The following SPI1 variants were observed in gnomAD, a reference collection of about 807,000 sequenced individuals.
The protein encoded by SPI1 is transcription factor PU.1.
SPI1 carries 3 observed loss-of-function variants against 30.7 expected under a neutral mutation model. The observed-to-expected ratio is 0.10, with a 90% CI of 0.04 to 0.25. The LOEUF is 0.25. SPI1 is among the 10% of genes least tolerant of loss of function. SPI1 has a pLI of 1.00. For synonymous variants in SPI1, 169 were observed against 157.1 expected (o/e 1.08, Z -0.56); for missense variants, 261 against 371.5 (o/e 0.70, Z 2.45).
intron 4 of SPI1, among the ~76,000 whole-genome samples, chr11:47,355,880 C>G (rs945098906): frequency 1.1e-4 from 16 of 151,168 alleles, no homozygotes; most frequent in African/African-American, 3.9e-4. Context: ...TCACACATCA[C>G]GCCCACACCC....
At chr11:47,364,210 C>T (rs757618794) in intron 2 of SPI1, among the ~76,000 whole-genome samples, 11 of 151,766 alleles carry the variant, frequency 7.2e-5, no homozygotes, top group East Asian at 6.0e-4. Context: ...CCACCACGCC[C>T]GGCTAATTTT....
chr11:47,355,646 G>C, intron 4 of SPI1, 100 bp from the exon 5 acceptor site: 1 of 1,049,688 alleles, frequency 9.5e-7, no homozygotes, highest in South Asian at 1.7e-5. Context: ...GGGGTGGCCG[G>C]GAAGGGCAGG....
intron 2 of SPI1, among the ~76,000 whole-genome samples, chr11:47,367,553 C>CAAAA (rs368823506): frequency 8.7e-5 from 10 of 114,464 alleles, no homozygotes; most frequent in South Asian, 2.9e-4. Context: ...GACTCTGCCT[C>CAAAA]AAAAAAAAAA....
At chr11:47,365,606 G>A (rs2095926980) in intron 2 of SPI1, among the ~76,000 whole-genome samples, 1 of 152,096 alleles carries the variant, frequency 6.6e-6, no homozygotes, top group African/African-American at 2.4e-5. Context: ...TGACCCCAAG[G>A]ACTGAAATCT....
chr11:47,372,105 C>G (rs1016721650), intron 2 of SPI1, among the ~76,000 whole-genome samples: 3 of 140,892 alleles, frequency 2.1e-5, no homozygotes, highest in Non-Finnish European at 3.1e-5. Flanking sequence ...TTGTCTGATT[C>G]TTTTTTTTTT....
At chr11:47,377,105 G>C (rs1290780751) in intron 1 of SPI1, among the ~76,000 whole-genome samples, 1 of 152,184 alleles carries the variant, frequency 6.6e-6, no homozygotes, top group Non-Finnish European at 1.5e-5. Flanking sequence ...AGGCTGGCTG[G>C]TCCTGCCTGG....
chr11:47,371,275 G>A lies in SPI1; in HGVS notation c.142+4358C>T, dbSNP rs11039210. Among the ~76,000 whole-genome samples the A allele has an allele frequency of 5.1e-3, 721 of 141,664 alleles. 11 individuals carry two copies. Among genetic ancestry groups the A allele is most frequent in the African/African-American group, 0.018 (691 of 37,764 alleles). The allele number at this position is 141,664 out of a possible 152,430, so 92.9% of individuals were successfully genotyped here. A position where few individuals can be genotyped will look rare whatever the true frequency, so the allele number is the denominator to read the frequency against. On this transcript the variant is annotated intron_variant, in intron 2 of 4. Coordinates refer to ENST00000378538, the MANE Select transcript of SPI1 (RefSeq NM_003120.3). ...CTCGGGAGGCTGAGGCAGGAGAATC[G>A]CTTGAACCCGGGAGGTGGAGGTTGC...
rs1273780979 is a variant in SPI1 at position 47,356,514 on chromosome 11, TCACACCTGCTCACA to T, written c.494-982_494-969del. Among the ~76,000 whole-genome samples, 7 of 77,334 alleles carry T rather than the reference TCACACCTGCTCACA, an allele frequency of 9.1e-5. No individual in the cohort carries two copies. The South Asian group carries it at 1.7e-3, about 19-fold the overall frequency. 50.7% of individuals were successfully genotyped at this position (77,334 alleles called of 152,430 possible). A position where few individuals can be genotyped will look rare whatever the true frequency, so the allele number is the denominator to read the frequency against. ...CACCTTCTCACACTCATATGCCCAC[TCACACCTGCTCACA>T]CACACCTCACACCAGGTTCACACAC... On this transcript the variant is annotated intron_variant, in intron 4 of 4. Transcript: ENST00000378538.
rs76749806 is a variant in SPI1 at position 47,374,748 on chromosome 11, G to A, written c.142+885C>T. Among the ~76,000 whole-genome samples, 3,609 of 152,298 alleles carry A rather than the reference G, an allele frequency of 0.024. 73 individuals carry two copies. The highest frequency in any genetic ancestry group is 0.035 in the Non-Finnish European group (2,392 of 68,014). On this transcript the variant is annotated intron_variant, in intron 2 of 4. Coordinates refer to ENST00000378538, the MANE Select transcript of SPI1 (RefSeq NM_003120.3). This position sits in a 1 kb window ranked among gnomAD's most constrained non-coding sequence, Gnocchi z 4.5. ...CAAGATCCACTTTGGGCAACCTCCC[G>A]CAGCCCCCTGCTCAGGTCCCAGGCA...
chr11:47,370,799 A>G (rs1001411646), intron 2 of SPI1, among the ~76,000 whole-genome samples: 27 of 152,240 alleles, frequency 1.8e-4, no homozygotes, highest in African/African-American at 6.5e-4. Flanking sequence ...CCACATGGTC[A>G]TAACAGTGGA....
At chr11:47,356,396 C>T (rs1220825760) in intron 4 of SPI1, among the ~76,000 whole-genome samples, 3 of 151,072 alleles carry the variant, frequency 2.0e-5, no homozygotes, top group African/African-American at 7.3e-5. Context: ...CACCCACTCA[C>T]ATGCACACTC....
chr11:47,373,601 T>C (rs922910133), intron 2 of SPI1, among the ~76,000 whole-genome samples: 2 of 151,228 alleles, frequency 1.3e-5, no homozygotes, highest in Admixed American at 1.3e-4. Flanking sequence ...TGAGCCAAGA[T>C]TGGGCCACTG....
Position 47,375,644 on chromosome 11 carries a change from TC to T in SPI1, c.130del (p.Glu44ArgfsTer142). 6.2e-7 allele frequency: 1 copy of T among 1,613,272 alleles called. No homozygotes were observed. On this transcript the variant is annotated frameshift_variant, in exon 2 of 5. Coordinates refer to ENST00000378538, the MANE Select transcript of SPI1 (RefSeq NM_003120.3). LOFTEE classifies it high-confidence loss of function. The surrounding 1 kb of genome is among the most constrained non-coding windows in gnomAD (Gnocchi z 4.2). The stretch of plus-strand genomic sequence containing the variant: ...GGCCCCGTACTCACCGCTATGGCTC[TC>T]CCCATCACTGCTGAGATAGGGGTAA... ...EYYPYLSSDG[E>X]SHSDHYWDFH... is the part of the protein sequence containing the mutation.
At position 47,355,546 on chromosome 11, in the gene SPI1, C is replaced by A; in HGVS notation, c.494G>T (p.Gly165Val). The A allele has an allele frequency of 6.4e-7, 1 of 1,564,664 alleles. No homozygotes were observed. Among genetic ancestry groups the A allele is most frequent in the Non-Finnish European group, 8.7e-7 (1 of 1,152,294 alleles). The part of the protein sequence containing the change: ...PGPGLLPGET[G>V]SKKKIRLYQF... ...GTACAGGCGGATCTTCTTCTTGCTG[C>A]CTGCGGGGGGGAGGGCCCGGTGGGA... Residue 165 changes from glycine to valine, a missense_variant and splice_region_variant, in exon 5 of 5, where the codon GGC (glycine) becomes GTC (valine). Physicochemically the swap from Gly to Val is moderately radical, Grantham distance 109 (BLOSUM62 -3). Around this residue, in one of 5 missense-constraint regions of SPI1, gnomAD observed 106 missense variants for 102.0 expected, o/e 1.04. Transcript: ENST00000378538.
Position 47,355,201 on chromosome 11 carries a change from G to A in SPI1, c.*26C>T. 7.5e-7 allele frequency: 1 copy of A among 1,324,824 alleles called. No individual in the cohort carries two copies. The highest frequency in any genetic ancestry group is 9.6e-7 in the Non-Finnish European group (1 of 1,042,648). The allele number at this position is 1,324,824 out of a possible 1,614,324, so 82.1% of individuals were successfully genotyped here. A position where few individuals can be genotyped will look rare whatever the true frequency, so the allele number is the denominator to read the frequency against. On this transcript the variant is annotated 3_prime_UTR_variant, in exon 5 of 5. Transcript: ENST00000378538. ...AATGCTATGGCCAGCGGGGAGGCCTGGCGGGGCCCGGCGGGGGCTGCGGGC... is the reference window on the plus strand; with the variant it reads ...AATGCTATGGCCAGCGGGGAGGCCTAGCGGGGCCCGGCGGGGGCTGCGGGC...
Position 47,369,570 on chromosome 11 carries a change from A to AAC in SPI1, c.142+6062_142+6063insGT, listed in dbSNP as rs1555126980. ...CAAAAGAGAGAGAGAGAAAAAAAAA[A>AAC]AACAACAAATGAAACAAACAAAAAG... On this transcript the variant is annotated intron_variant, in intron 2 of 4. Coordinates refer to ENST00000378538, the MANE Select transcript of SPI1 (RefSeq NM_003120.3). 1.7e-3 allele frequency among the ~76,000 whole-genome samples: 252 copies of AAC among 151,754 alleles called. 2 individuals are homozygous for AAC. Among genetic ancestry groups the AAC allele is most frequent in the African/African-American group, 4.1e-3 (169 of 41,372 alleles).
At chr11:47,358,276 A>AC (rs1164500890) in intron 4 of SPI1, 1 of 468,738 alleles carries the variant, frequency 2.1e-6, no homozygotes. Flanking sequence ...CTGCTGTCAC[A>AC]CCCCCACTCA....
At chr11:47,357,197 CCA>C (rs1342921182) in intron 4 of SPI1, among the ~76,000 whole-genome samples, 4 of 149,132 alleles carry the variant, frequency 2.7e-5, no homozygotes, top group South Asian at 2.1e-4. Context: ...ACACACCTGC[CCA>C]CACATATCTG....
At chr11:47,365,168 C>A (rs963411727) in intron 2 of SPI1, among the ~76,000 whole-genome samples, 5 of 152,156 alleles carry the variant, frequency 3.3e-5, no homozygotes, top group African/African-American at 1.2e-4. Flanking sequence ...GATGACTCTT[C>A]GAGAACAAAT....
Sources: allele counts gnomAD v4.1 joint callset (sites outside exome capture counted in the v4.1 genomes callset), GRCh38; gene constraint gnomAD v4.1.1; regional missense constraint gnomAD v4.1.1; non-coding constraint Gnocchi (gnomAD v3.1); transcripts MANE v1.5; gene names NCBI Gene and HGNC (gene_info 2026-07-23, HGNC 2026-07-21).